The following WFDC1 variants were observed in gnomAD, a reference collection of about 807,000 sequenced individuals.
The protein encoded by WFDC1 is WAP four-disulfide core domain protein 1.
A neutral mutation model predicts 32.9 loss-of-function variants in WFDC1; 39 were observed. The ratio of observed to expected loss-of-function variants is 1.19; its 90% CI spans 0.92 to 1.55. WFDC1 has a LOEUF of 1.55. Among genes scored for constraint, WFDC1 ranks in the 40% most tolerant of loss-of-function variants. The probability of loss-of-function intolerance (pLI) is 0.00; values close to 1 mark genes in which losing one functional copy is unlikely to be tolerated. For synonymous variants in WFDC1, 184 were observed against 137.4 expected (o/e 1.34, Z -2.37); for missense variants, 386 against 309.5 (o/e 1.25, Z -1.85).
chr16:84,315,496 C>G (rs761663566), intron 2 of WFDC1, among the ~76,000 whole-genome samples: 19 of 152,196 alleles, frequency 1.2e-4, no homozygotes, highest in Non-Finnish European at 2.8e-4. Context: ...CATTCATTCA[C>G]TAGCCAGCAG....
At chr16:84,299,381 A>G (rs1014683377) in intron 1 of WFDC1, among the ~76,000 whole-genome samples, 2 of 151,824 alleles carry the variant, frequency 1.3e-5, no homozygotes, top group Non-Finnish European at 2.9e-5. Context: ...ACAAAAAACA[A>G]AAAGCAAAAA....
chr16:84,324,507 G>A (rs761736932), intron 5 of WFDC1, 47 bp downstream of exon 5: 1 of 1,597,020 alleles, frequency 6.3e-7, no homozygotes, highest in East Asian at 2.2e-5. Flanking sequence ...CAAAAAAAAG[G>A]CAGTGAAAGT....
At chr16:84,324,376 C>T (rs749988223) in intron 4 of WFDC1, 43 bp from the exon 5 acceptor site, 50 of 1,601,008 alleles carry the variant, frequency 3.1e-5, no homozygotes, top group Non-Finnish European at 4.1e-5. Flanking sequence ...TTTTGGCCTT[C>T]TAAACTCCTA....
intron 4 of WFDC1, among the ~76,000 whole-genome samples, chr16:84,323,831 A>G (rs1053571102): frequency 6.6e-6 from 1 of 152,198 alleles, no homozygotes; most frequent in African/African-American, 2.4e-5. Context: ...TGTTAAGACA[A>G]TGGTTTTGGC....
At chr16:84,309,731 C>T (rs1346911845) in intron 1 of WFDC1, among the ~76,000 whole-genome samples, 1 of 152,100 alleles carries the variant, frequency 6.6e-6, no homozygotes, top group Non-Finnish European at 1.5e-5. Context: ...CCTTGCCAAT[C>T]CCTGTTCCGG....
At chr16:84,326,692 C>T in intron 5 of WFDC1, 190 bp from the exon 6 acceptor site, 1 of 614,806 alleles carries the variant, frequency 1.6e-6, no homozygotes. Flanking sequence ...ATAGACAGAG[C>T]TGGTGACACC....
intron 3 of WFDC1, 132 bp from the exon 4 acceptor site, chr16:84,319,299 C>A: frequency 7.8e-7 from 1 of 1,280,028 alleles, no homozygotes; most frequent in Non-Finnish European, 1.1e-6. Context: ...ACCTGGGGTA[C>A]AGAGGCGAGG....
rs574859123 is a variant in WFDC1, at chr16:84,296,250, T to C, written c.144+1135T>C. ...AACATAGCAAGCTGGCAGTGCATCT[T>C]GGCAGCTTTCAATCAAATAATTGTG... On this transcript the variant is annotated intron_variant, in intron 1 of 6. Transcript: ENST00000219454. 3.9e-5 allele frequency among the ~76,000 whole-genome samples: 6 copies of C among 152,374 alleles called. No homozygotes were observed. In the South Asian group the frequency reaches 1.0e-3, roughly 26 times the overall value.
At chr16:84,296,118 G>A (rs138400418) in intron 1 of WFDC1, among the ~76,000 whole-genome samples, 12 of 152,280 alleles carry the variant, frequency 7.9e-5, no homozygotes, top group Admixed American at 3.3e-4. Context: ...CCGCAGGGAC[G>A]GAGTGAGCCA....
At position 84,295,118 on chromosome 16, in the gene WFDC1, A is replaced by C; in HGVS notation, c.144+3A>C. 1 of 1,613,590 alleles carries C rather than the reference A, an allele frequency of 6.2e-7. No homozygotes were observed. The highest frequency in any genetic ancestry group is 8.5e-7 in the Non-Finnish European group (1 of 1,179,694). On this transcript the variant is annotated splice_donor_region_variant and intron_variant, in intron 1 of 6. Coordinates refer to ENST00000219454, the MANE Select transcript of WFDC1 (RefSeq NM_021197.4). ...CGAGGCTGGCCGAGAAATCCCGTGT[A>C]AGTGCCTGGGATGGGGAGGCTGGGG...
chr16:84,318,690 C>G, intron 3 of WFDC1: 1 of 254,988 alleles, frequency 3.9e-6, no homozygotes, highest in South Asian at 5.5e-5. Context: ...TGAAGCCTCC[C>G]TGGGGGTGGG....
At chr16:84,327,360 ATT>A in intron 6 of WFDC1, 1 of 162,222 alleles carries the variant, frequency 6.2e-6, no homozygotes. Context: ...CACCTGGCTA[ATT>A]TTTTTTTTGT....
chr16:84,317,286 C>G (rs1467340004), intron 2 of WFDC1: 1 of 144,794 alleles, frequency 6.9e-6, no homozygotes, highest in Non-Finnish European at 1.5e-5. Flanking sequence ...GAACAAGACT[C>G]TGTCTCAAAA....
intron 3 of WFDC1, chr16:84,319,139 G>A (rs1354675178): frequency 2.2e-6 from 1 of 456,490 alleles, no homozygotes. Flanking sequence ...GTTTCAGGGT[G>A]TATCCGTGAA....
chr16:84,308,337 C>T (rs1384611875), intron 1 of WFDC1, among the ~76,000 whole-genome samples: 3 of 152,160 alleles, frequency 2.0e-5, no homozygotes, highest in South Asian at 2.1e-4. Flanking sequence ...CTGGTGACAC[C>T]GTGTGCAATT....
chr16:84,328,419 C>G (rs1034147416), intron 6 of WFDC1: 2 of 152,250 alleles, frequency 1.3e-5, no homozygotes, highest in Non-Finnish European at 2.9e-5. Context: ...AAGCAGGTGA[C>G]AGCCTCCCAG....
At chr16:84,327,647 TTGTG>T (rs1908679946) in intron 6 of WFDC1, 1 of 152,204 alleles carries the variant, frequency 6.6e-6, no homozygotes, top group Non-Finnish European at 1.5e-5. Flanking sequence ...TAGGAGAACT[TTGTG>T]TGTGATCAGA....
rs74035470 is a variant in WFDC1 at position 84,328,627 on chromosome 16, G to A, written c.*16-695G>A. 1,400 of 152,390 alleles carry A rather than the reference G, an allele frequency of 9.2e-3. 16 individuals carry two copies. Among genetic ancestry groups the A allele is most frequent in the African/African-American group, 0.032 (1,350 of 41,558 alleles). 9.4% of individuals were successfully genotyped at this position (152,390 alleles called of 1,614,324 possible). On this transcript the variant is annotated intron_variant, in intron 6 of 6. Coordinates refer to ENST00000219454, the MANE Select transcript of WFDC1 (RefSeq NM_021197.4). ...GTGGATGAGGACGAGACCTTGGGAGGCAGTTGAGGATGGCAGTTTGGAAGT... is the reference window on the plus strand; with the variant it reads ...GTGGATGAGGACGAGACCTTGGGAGACAGTTGAGGATGGCAGTTTGGAAGT...
chr16:84,322,650 G>C (rs745915634), intron 4 of WFDC1, among the ~76,000 whole-genome samples: 41 of 152,234 alleles, frequency 2.7e-4, no homozygotes, highest in Non-Finnish European at 5.0e-4. Flanking sequence ...TCCCGTAAGA[G>C]AGGCTTCTAG....
Sources: gnomAD v4.1 joint callset for allele counts (sites outside exome capture counted in the v4.1 genomes callset) on GRCh38, gnomAD v4.1.1 for gene constraint, MANE v1.5 for transcripts, NCBI Gene and HGNC (gene_info 2026-07-23, HGNC 2026-07-21) for gene names.